KCMF1: variants seen among roughly 807,000 people sequenced by gnomAD.
The protein encoded by KCMF1 is potassium channel modulatory factor 1.
KCMF1 carries 3 observed loss-of-function variants against 41.1 expected under a neutral mutation model. The observed-to-expected ratio is 0.07, with a 90% CI of 0.03 to 0.19. KCMF1 has a LOEUF of 0.19. Ranked by LOEUF, KCMF1 falls within the 10% of genes least tolerant of loss-of-function variation. The pLI, the probability that KCMF1 is intolerant of heterozygous loss-of-function variation, is 1.00. For missense variants in KCMF1, 286 were observed against 488.9 expected, an observed-to-expected ratio of 0.58 and a Z score of 3.91; for synonymous variants, 142 against 164.5, an observed-to-expected ratio of 0.86 and a Z score of 1.04.
chr2:84,999,487 T>C lies in KCMF1; in HGVS notation c.16+28020T>C, dbSNP rs149896584. Among the ~76,000 whole-genome samples the C allele has an allele frequency of 1.4e-4, 21 of 152,348 alleles. No individual in the cohort carries two copies. The East Asian group carries it at 4.1e-3, about 29-fold the overall frequency. On this transcript the variant is annotated intron_variant, in intron 1 of 6. Transcript: ENST00000409785. ...TTATAACAAATAATTTAATGCCTAT[T>C]GATTATCCTGAAGTAAGGTTAATAG... is the stretch of plus-strand genomic sequence containing the variant.
chr2:85,032,467 C>T (rs1421872713), intron 2 of KCMF1, among the ~76,000 whole-genome samples: 2 of 152,034 alleles, frequency 1.3e-5, no homozygotes, highest in African/African-American at 4.8e-5. Flanking sequence ...ACCTCTGCCT[C>T]CCGGGTTCAA....
chr2:84,976,930 G>A (rs2103960433), intron 1 of KCMF1, among the ~76,000 whole-genome samples: 1 of 152,154 alleles, frequency 6.6e-6, no homozygotes, highest in East Asian at 1.9e-4. Flanking sequence ...TTTGAAATAT[G>A]TATACATTGT....
intron 1 of KCMF1, among the ~76,000 whole-genome samples, chr2:85,014,394 T>G (rs1381830588): frequency 1.3e-5 from 2 of 152,194 alleles, no homozygotes; most frequent in Admixed American, 1.3e-4. Context: ...CAACCCTTTA[T>G]CTTAATCACT....
intron 1 of KCMF1, among the ~76,000 whole-genome samples, chr2:85,016,441 AAACAGACAAACCCTAGAGTTTCTTTTT>A (rs1247337955): frequency 2.0e-5 from 3 of 151,970 alleles, no homozygotes; most frequent in Admixed American, 1.3e-4. Flanking sequence ...CTCTAAAAAA[AAACAGACAAACCCTAGAGTTTCTTTTT>A]ATTTTGGCAA....
chr2:85,031,672 A>T (rs1675271669), intron 2 of KCMF1, among the ~76,000 whole-genome samples: 3 of 152,246 alleles, frequency 2.0e-5, no homozygotes, highest in Non-Finnish European at 2.9e-5. Context: ...CAAGTTTATT[A>T]GGATATAACC....
chr2:85,028,101 T>G, intron 2 of KCMF1, 45 bp downstream of exon 2: 1 of 1,320,492 alleles, frequency 7.6e-7, no homozygotes, highest in African/African-American at 1.5e-5. Flanking sequence ...TAGAATTTTA[T>G]GTACGTTGAA....
intron 1 of KCMF1, among the ~76,000 whole-genome samples, chr2:85,013,577 A>T (rs149661339): frequency 1.3e-5 from 2 of 152,112 alleles, no homozygotes; most frequent in African/African-American, 4.8e-5. Context: ...AGGTGGGCGG[A>T]TCACGAGGCC....
chr2:85,003,428 A>G (rs1198153333), intron 1 of KCMF1, among the ~76,000 whole-genome samples: 2 of 152,146 alleles, frequency 1.3e-5, no homozygotes, highest in Admixed American at 6.6e-5. Flanking sequence ...CAGTGAGCCA[A>G]GATCGTGCCA....
rs1674547467 is a variant in KCMF1, at chr2:85,008,340, GATATATAATATATA to G, written c.17-19541_17-19528del. On this transcript the variant is annotated intron_variant, in intron 1 of 6. Transcript: ENST00000409785. Reference sequence around the variant, plus strand: ...ATATATCATATATAATATATAATATGATATATAATATATAATATATATTATATATCATATGATAT... The same window carrying G: ...ATATATCATATATAATATATAATATGATATATATTATATATCATATGATAT... 1.5e-4 allele frequency among the ~76,000 whole-genome samples: 4 copies of G among 27,320 alleles called. 1 individual carries two copies. Among genetic ancestry groups the G allele is most frequent in the Admixed American group, 6.4e-4 (1 of 1,558 alleles). The allele number at this position is 27,320 out of a possible 152,430, so 17.9% of individuals were successfully genotyped here.
chr2:85,015,941 T>C (rs1411512949), intron 1 of KCMF1, among the ~76,000 whole-genome samples: 7 of 152,194 alleles, frequency 4.6e-5, no homozygotes, highest in African/African-American at 1.4e-4. Flanking sequence ...TGCTGTATCT[T>C]GGCATATAAT....
At chr2:85,035,750 T>C (rs1262313735) in intron 3 of KCMF1, among the ~76,000 whole-genome samples, 2 of 152,144 alleles carry the variant, frequency 1.3e-5, no homozygotes, top group Non-Finnish European at 2.9e-5. Flanking sequence ...TTGTTGGATT[T>C]TTTACTTGAC....
intron 1 of KCMF1, among the ~76,000 whole-genome samples, chr2:84,995,947 A>C (rs897407013): frequency 2.6e-5 from 4 of 152,234 alleles, no homozygotes; most frequent in African/African-American, 9.6e-5. Flanking sequence ...TACTCTATAA[A>C]TGTGATGGCT....
intron 3 of KCMF1, among the ~76,000 whole-genome samples, chr2:85,037,670 A>G (rs992948456): frequency 3.9e-5 from 6 of 152,192 alleles, no homozygotes; most frequent in African/African-American, 1.2e-4. Context: ...AACTTGCTAT[A>G]TATCTCCTTT....
chr2:84,998,950 CTA>C (rs1323505669), intron 1 of KCMF1, among the ~76,000 whole-genome samples: 8 of 104,682 alleles, frequency 7.6e-5, no homozygotes, highest in Admixed American at 2.5e-4. Context: ...ATCTATCTAT[CTA>C]TCTATCTATC....
intron 2 of KCMF1, among the ~76,000 whole-genome samples, chr2:85,032,375 T>C (rs533335204): frequency 6.6e-6 from 1 of 150,790 alleles, no homozygotes; most frequent in African/African-American, 2.4e-5. Context: ...TTTATTTTTA[T>C]TTTATTTTAT....
At chr2:85,004,881 G>A (rs887021376) in intron 1 of KCMF1, among the ~76,000 whole-genome samples, 1 of 151,970 alleles carries the variant, frequency 6.6e-6, no homozygotes, top group African/African-American at 2.4e-5. Flanking sequence ...TGTCGCCCAG[G>A]CTGGAGTGCA....
At chr2:84,983,027 C>T (rs1673804847) in intron 1 of KCMF1, among the ~76,000 whole-genome samples, 1 of 152,144 alleles carries the variant, frequency 6.6e-6, no homozygotes, top group African/African-American at 2.4e-5. Flanking sequence ...CTGAGTCAGA[C>T]ATGCTGTATA....
chr2:85,017,876 C>T (rs1674819623), intron 1 of KCMF1, among the ~76,000 whole-genome samples: 1 of 152,028 alleles, frequency 6.6e-6, no homozygotes, highest in African/African-American at 2.4e-5. Context: ...AAAGAAAAGA[C>T]TACGTATTAT....
chr2:85,051,724 G>C (rs953049173), intron 6 of KCMF1, among the ~76,000 whole-genome samples: 13 of 152,208 alleles, frequency 8.5e-5, no homozygotes, highest in African/African-American at 3.1e-4. Context: ...AGGAATATAT[G>C]TAATTACTTA....
Sources: gnomAD v4.1 joint callset for allele counts (sites outside exome capture counted in the v4.1 genomes callset) on GRCh38, gnomAD v4.1.1 for gene constraint, MANE v1.5 for transcripts, NCBI Gene and HGNC (gene_info 2026-07-23, HGNC 2026-07-21) for gene names.